SLC12A5: variants seen among roughly 807,000 people sequenced by gnomAD.
SLC12A5 encodes the protein K-Cl cotransporter 2.
In SLC12A5, 18 loss-of-function variants were observed where a neutral mutation model predicts 124.0. That is an observed-to-expected ratio of 0.15 (90% CI 0.10 to 0.22). The LOEUF (loss-of-function observed/expected upper bound fraction) is 0.22, where lower values mean the gene tolerates loss of function less well. SLC12A5 is among the 10% of genes least tolerant of loss of function. The pLI is 1.00. For synonymous variants in SLC12A5, 589 were observed against 568.0 expected (o/e 1.04, Z -0.53); for missense variants, 867 against 1,478.7 (o/e 0.59, Z 6.78).
chr20:46,035,730 T>C (rs1600591165), intron 3 of SLC12A5, 47 bp from the exon 4 acceptor site: 1 of 1,578,316 alleles, frequency 6.3e-7, no homozygotes, highest in Non-Finnish European at 8.6e-7. Context: ...ACCTGGGGTG[T>C]TCGTAATGAT....
intron 11 of SLC12A5, 82 bp from the exon 12 acceptor site, chr20:46,044,884 G>A (rs907497291): frequency 1.3e-5 from 20 of 1,502,658 alleles, no homozygotes; most frequent in African/African-American, 2.7e-5. Flanking sequence ...GCACACAGTT[G>A]GTTCTGTAGT....
intron 15 of SLC12A5, among the ~76,000 whole-genome samples, 174 bp downstream of exon 15, chr20:46,047,747 G>A (rs1294723517): frequency 6.6e-6 from 1 of 152,090 alleles, no homozygotes; most frequent in Non-Finnish European, 1.5e-5. Flanking sequence ...GGAAGATGGG[G>A]GGTGGGAGCA....
chr20:46,056,007 G>C lies in SLC12A5; in HGVS notation c.2788-143G>C. 1 of 1,174,668 alleles carries C rather than the reference G, an allele frequency of 8.5e-7. No individual in the cohort carries two copies. Among genetic ancestry groups the C allele is most frequent in the Non-Finnish European group, 1.2e-6 (1 of 841,806 alleles). 72.8% of individuals were successfully genotyped at this position (1,174,668 alleles called of 1,614,324 possible). A position where few individuals can be genotyped will look rare whatever the true frequency, so the allele number is the denominator to read the frequency against. ...AGATCAGTGGTGCAGTAGCTATTTG[G>C]TCTCAAATCATAGCAATATTTTAAC... On this transcript the variant is annotated intron_variant, in intron 21 of 25. Transcript: ENST00000243964. The surrounding 1 kb of genome is among the most constrained non-coding windows in gnomAD (Gnocchi z 4.3).
At chr20:46,028,739 C>T (rs2084418825), upstream of SLC12A5, among the ~76,000 whole-genome samples, 1 of 152,160 alleles carries the variant, frequency 6.6e-6, no homozygotes, top group African/African-American at 2.4e-5. Context: ...TCCCAAGGGC[C>T]CCATGTTCCA....
At chr20:46,046,736 A>T (rs1271952589) in intron 14 of SLC12A5, among the ~76,000 whole-genome samples, 2 of 152,210 alleles carry the variant, frequency 1.3e-5, no homozygotes, top group Non-Finnish European at 2.9e-5. Flanking sequence ...CCAGAGTTCA[A>T]ATCATGACTC....
chr20:46,029,597 G>A (rs922458242), intron 1 of SLC12A5, among the ~76,000 whole-genome samples: 3 of 152,208 alleles, frequency 2.0e-5, no homozygotes, highest in Non-Finnish European at 4.4e-5. Context: ...GCCGCGCCCG[G>A]GGGCAGAGCT....
In SLC12A5 at chr20:46,060,003, T is replaced by C. The variant is rs1483724469; in HGVS notation, c.*2398T>C. The stretch of plus-strand genomic sequence containing the variant: ...GCATCCTGCCTCAGTATTGATCTTG[T>C]GTTCTTTGTGCCAATATGAAAAGGA... On this transcript the variant is annotated 3_prime_UTR_variant, in exon 26 of 26. Coordinates refer to ENST00000243964, the MANE Select transcript of SLC12A5 (RefSeq NM_020708.5). The C allele has an allele frequency of 1.0e-5, 2 of 192,790 alleles. No individual in the cohort carries two copies. The highest frequency in any genetic ancestry group is 2.1e-5 in the Non-Finnish European group (2 of 94,854). The allele number at this position is 192,790 out of a possible 1,614,324, so 11.9% of individuals were successfully genotyped here. A position where few individuals can be genotyped will look rare whatever the true frequency, so the allele number is the denominator to read the frequency against.
chr20:46,035,634 G>T, intron 3 of SLC12A5, 99 bp downstream of exon 3: 1 of 1,500,820 alleles, frequency 6.7e-7, no homozygotes. Flanking sequence ...GAGGGAAAGG[G>T]GATACAAATC....
exon 3 of SLC12A5, chr20:46,023,506 C>G: frequency 2.5e-6 from 1 of 399,012 alleles, no homozygotes. Context: ...CCACTGGCCT[C>G]CCTGCCTCCA....
In SLC12A5 at chr20:46,046,522, G is replaced by A. The variant is rs1184050881; in HGVS notation, c.1787+86G>A. 3.3e-6 allele frequency: 4 copies of A among 1,227,844 alleles called. No homozygotes were observed. In the East Asian group the frequency reaches 9.4e-5, roughly 29 times the overall value. The allele number at this position is 1,227,844 out of a possible 1,614,324, so 76.1% of individuals were successfully genotyped here. A position where few individuals can be genotyped will look rare whatever the true frequency, so the allele number is the denominator to read the frequency against. ...TCTTACTCCAGTCCATCCCCTCTGG[G>A]TCTAAGGACCCCAAACCTGAAGAGG... On this transcript the variant is annotated intron_variant, in intron 14 of 25. Coordinates refer to ENST00000243964, the MANE Select transcript of SLC12A5 (RefSeq NM_020708.5).
intron 8 of SLC12A5, 115 bp from the exon 9 acceptor site, chr20:46,043,038 G>A: frequency 3.1e-6 from 3 of 983,204 alleles, no homozygotes; most frequent in Non-Finnish European, 1.6e-6. Context: ...TAAGGCCGGG[G>A]AGAGTGAGAT....
intron 18 of SLC12A5, among the ~76,000 whole-genome samples, chr20:46,052,076 C>G (rs529298858): frequency 6.6e-6 from 1 of 152,206 alleles, no homozygotes; most frequent in Non-Finnish European, 1.5e-5. Flanking sequence ...GTGAACGAGA[C>G]AGTCTTGGCT....
chr20:46,044,261 C>T (rs564835688), intron 11 of SLC12A5, among the ~76,000 whole-genome samples: 65 of 152,026 alleles, frequency 4.3e-4, no homozygotes, highest in African/African-American at 1.5e-3. Flanking sequence ...GTGTTCCCTC[C>T]GAGATTCTGG....
chr20:46,044,371 G>A (rs559814892), intron 11 of SLC12A5, among the ~76,000 whole-genome samples: 3 of 152,208 alleles, frequency 2.0e-5, no homozygotes, highest in African/African-American at 7.2e-5. Flanking sequence ...GGTAGGGGTG[G>A]CCATACAGGA....
chr20:46,022,789 G>T, intron 1 of SLC12A5: 1 of 398,970 alleles, frequency 2.5e-6, no homozygotes, highest in Non-Finnish European at 4.4e-6. Flanking sequence ...ATAGGGGAGG[G>T]GAAAGATCCT....
chr20:46,053,433 G>T lies in SLC12A5; in HGVS notation c.2548-145G>T. 8.7e-7 allele frequency: 1 copy of T among 1,142,918 alleles called. No individual in the cohort carries two copies. The highest frequency in any genetic ancestry group is 2.4e-5 in the East Asian group (1 of 41,876). 70.8% of individuals were successfully genotyped at this position (1,142,918 alleles called of 1,614,324 possible). On this transcript the variant is annotated intron_variant, in intron 19 of 25. Coordinates refer to ENST00000243964, the MANE Select transcript of SLC12A5 (RefSeq NM_020708.5). This position sits in a 1 kb window ranked among gnomAD's most constrained non-coding sequence, Gnocchi z 4.7. ...AAGCAGGGAAGGTTTTGTAGAGAGT[G>T]GCCCCAAAGACAGAGGATTTGGGGT... is the stretch of plus-strand genomic sequence containing the variant.
In SLC12A5 at chr20:46,055,376, C is replaced by A. The variant is rs2084680365; in HGVS notation, c.2787+353C>A. 3.9e-5 allele frequency among the ~76,000 whole-genome samples: 6 copies of A among 152,142 alleles called. No homozygotes were observed. In the South Asian group the frequency reaches 1.2e-3, roughly 32 times the overall value. ...TGAGGGATAAGGGCTCATGTAGAAA[C>A]CCTTAGAGAGTGGGTAACAGATGGG... is the stretch of plus-strand genomic sequence containing the variant. On this transcript the variant is annotated intron_variant, in intron 21 of 25. Transcript: ENST00000243964.
At position 46,056,865 on chromosome 20, in the gene SLC12A5, TTCTC is replaced by T. The variant is rs776052820; in HGVS notation, c.3111-28_3111-25del. On this transcript the variant is annotated intron_variant, in intron 23 of 25. Transcript: ENST00000243964. The surrounding 1 kb of genome is among the most constrained non-coding windows in gnomAD (Gnocchi z 4.3). ...CTTTTTCTGACTCTGCTCTTTTTCT[TTCTC>T]TCTTTGCATCTCTTGTGTTTCCTGA... is the stretch of plus-strand genomic sequence containing the variant. 2 of 1,611,174 alleles carry T rather than the reference TTCTC, an allele frequency of 1.2e-6. No individual in the cohort carries two copies. The highest frequency in any genetic ancestry group is 2.2e-5 in the East Asian group (1 of 44,882).
In SLC12A5 at chr20:46,036,593, A is replaced by C. The variant is rs2084500598; in HGVS notation, c.427-148A>C. 11 of 696,260 alleles carry C rather than the reference A, an allele frequency of 1.6e-5. No homozygotes were observed. In the South Asian group the frequency reaches 2.0e-4, roughly 13 times the overall value. 43.1% of individuals were successfully genotyped at this position (696,260 alleles called of 1,614,324 possible). A position where few individuals can be genotyped will look rare whatever the true frequency, so the allele number is the denominator to read the frequency against. On this transcript the variant is annotated intron_variant, in intron 4 of 25. Transcript: ENST00000243964. ...TTCTTGAGAAGAAGGACTTGGCAGG[A>C]GTAGAAGTTGGAACAGGTCCAGGGA...
Sources: allele counts gnomAD v4.1 joint callset (sites outside exome capture counted in the v4.1 genomes callset), GRCh38; gene constraint gnomAD v4.1.1; non-coding constraint Gnocchi (gnomAD v3.1); transcripts MANE v1.5; gene names NCBI Gene and HGNC (gene_info 2026-07-23, HGNC 2026-07-21).